ACBD7: variants seen among roughly 807,000 people sequenced by gnomAD.
The protein encoded by ACBD7 is acyl-CoA-binding domain-containing protein 7.
ACBD7 carries 11 observed loss-of-function variants against 13.7 expected under a neutral mutation model. The observed-to-expected ratio is 0.80, with a 90% CI of 0.50 to 1.33. The LOEUF (loss-of-function observed/expected upper bound fraction) is 1.33. Ranked by LOEUF, ACBD7 falls within the 40% of genes most tolerant of loss-of-function variation. The pLI is 0.00. For missense variants in ACBD7, 111 were observed against 103.0 expected (o/e 1.08, Z -0.33); for synonymous variants, 43 against 37.7 (o/e 1.14, Z -0.51).
Position 15,076,202 on chromosome 10 carries a change from G to A in ACBD7, c.*2328C>T, listed in dbSNP as rs1203886635. ...AGGGAATAGAGGTACACTGTTTTGG[G>A]GGATATTTATCTTAAGGGATCTCAA... is the stretch of plus-strand genomic sequence containing the variant. On this transcript the variant is annotated 3_prime_UTR_variant, in exon 4 of 4. Transcript: ENST00000356189. 1.0e-6 allele frequency: 1 copy of A among 985,100 alleles called. No homozygotes were observed. The highest frequency in any genetic ancestry group is 1.2e-6 in the Non-Finnish European group (1 of 829,870). 61.0% of individuals were successfully genotyped at this position (985,100 alleles called of 1,614,324 possible). A position where few individuals can be genotyped will look rare whatever the true frequency, so the allele number is the denominator to read the frequency against.
At chr10:15,083,919 A>G (rs1016531616) in intron 1 of ACBD7, among the ~76,000 whole-genome samples, 8 of 152,268 alleles carry the variant, frequency 5.3e-5, no homozygotes, top group African/African-American at 1.9e-4. Flanking sequence ...ATGGGCATGC[A>G]CAAGGCAGCG....
At chr10:15,086,246 G>C (rs1282601608) in intron 1 of ACBD7, among the ~76,000 whole-genome samples, 1 of 151,894 alleles carries the variant, frequency 6.6e-6, no homozygotes, top group African/African-American at 2.4e-5. Flanking sequence ...GGTGGAGGTT[G>C]CAGTGAGTCA....
chr10:15,083,769 C>T (rs751959628), intron 1 of ACBD7, among the ~76,000 whole-genome samples: 3 of 152,230 alleles, frequency 2.0e-5, no homozygotes, highest in Non-Finnish European at 4.4e-5. Flanking sequence ...AGGCGTGAGC[C>T]ACGATGCCCG....
intron 1 of ACBD7, among the ~76,000 whole-genome samples, chr10:15,083,141 C>T (rs536545393): frequency 8.2e-4 from 125 of 152,350 alleles, no homozygotes; most frequent in African/African-American, 2.8e-3. Context: ...TTTCAGGGGT[C>T]CCCGCTCTTT....
intron 1 of ACBD7, among the ~76,000 whole-genome samples, chr10:15,085,944 C>T (rs1417263115): frequency 7.9e-5 from 12 of 152,280 alleles, no homozygotes; most frequent in Middle Eastern, 3.4e-3. Flanking sequence ...ATGATCCCCG[C>T]ACATGCCAGT....
chr10:15,084,019 T>G lies in ACBD7; in HGVS notation c.12+4698A>C, dbSNP rs182501128. Among the ~76,000 whole-genome samples the G allele has an allele frequency of 1.6e-4, 24 of 152,266 alleles. No homozygotes were observed. In the East Asian group the frequency reaches 4.6e-3, roughly 29 times the overall value. The stretch of plus-strand genomic sequence containing the variant: ...TGCAAATAAGGTGCAGCAGTTGCTC[T>G]GGGAACACAGGAGGTAGCACAGACG... On this transcript the variant is annotated intron_variant, in intron 1 of 3. Transcript: ENST00000356189.
At chr10:15,083,546 A>G (rs1303997743) in intron 1 of ACBD7, among the ~76,000 whole-genome samples, 1 of 152,204 alleles carries the variant, frequency 6.6e-6, no homozygotes, top group African/African-American at 2.4e-5. Flanking sequence ...CAGCGGCACA[A>G]TCACGGCTCA....
At chr10:15,086,827 A>T (rs2131399552) in intron 1 of ACBD7, among the ~76,000 whole-genome samples, 1 of 152,280 alleles carries the variant, frequency 6.6e-6, no homozygotes, top group Non-Finnish European at 1.5e-5. Flanking sequence ...CACCCTGACC[A>T]ACATGGAGAA....
chr10:15,081,998 T>G (rs944413361), intron 1 of ACBD7, among the ~76,000 whole-genome samples: 2 of 152,116 alleles, frequency 1.3e-5, no homozygotes, highest in African/African-American at 4.8e-5. Flanking sequence ...TTAAGAGCTG[T>G]GTGACCAGGC....
chr10:15,084,095 C>G (rs1844781098), intron 1 of ACBD7, among the ~76,000 whole-genome samples: 1 of 152,228 alleles, frequency 6.6e-6, no homozygotes, highest in African/African-American at 2.4e-5. Flanking sequence ...GGGATCGGGT[C>G]TGCGATTGTT....
chr10:15,088,368 A>T, intron 1 of ACBD7: 1 of 434,694 alleles, frequency 2.3e-6, no homozygotes, highest in African/African-American at 2.1e-5. Flanking sequence ...TGACACTAAG[A>T]GAGGTCCTGG....
At chr10:15,079,630 G>A (rs1351381440) in intron 1 of ACBD7, among the ~76,000 whole-genome samples, 1 of 151,566 alleles carries the variant, frequency 6.6e-6, no homozygotes. Flanking sequence ...CCAGGCTGAA[G>A]TGCAGTGGCA....
chr10:15,087,010 T>C (rs1441114870), intron 1 of ACBD7, among the ~76,000 whole-genome samples: 6 of 117,188 alleles, frequency 5.1e-5, no homozygotes, highest in African/African-American at 2.3e-4. Flanking sequence ...TGAAACTCCA[T>C]CTCAAAAAAA....
chr10:15,082,870 CTACTAAAAA>C (rs1844765550), intron 1 of ACBD7, among the ~76,000 whole-genome samples: 1 of 151,940 alleles, frequency 6.6e-6, no homozygotes, highest in African/African-American at 2.4e-5. Context: ...AACACCGTCT[CTACTAAAAA>C]TACAAAAAAT....
In ACBD7 at chr10:15,076,222, T is replaced by C. The variant is rs77326186; in HGVS notation, c.*2308A>G. ...TTTGGGGGATATTTATCTTAAGGGA[T>C]CTCAAACAATTTTTTGAATTGTTAA... is the stretch of plus-strand genomic sequence containing the variant. On this transcript the variant is annotated 3_prime_UTR_variant, in exon 4 of 4. Coordinates refer to ENST00000356189, the MANE Select transcript of ACBD7 (RefSeq NM_001039844.3). 0.063 allele frequency: 61,822 copies of C among 985,202 alleles called. 2,067 individuals carry two copies. The highest frequency in any genetic ancestry group is 0.09 in the Middle Eastern group (172 of 1,914). 61.0% of individuals were successfully genotyped at this position (985,202 alleles called of 1,614,324 possible).
rs1844682030 is a variant in ACBD7 at position 15,076,374 on chromosome 10, A to G, written c.*2156T>C. 1.0e-5 allele frequency: 10 copies of G among 985,298 alleles called. No homozygotes were observed. The highest frequency in any genetic ancestry group is 1.1e-5 in the Non-Finnish European group (9 of 829,838). 61.0% of individuals were successfully genotyped at this position (985,298 alleles called of 1,614,324 possible). ...AACATATGGGGTACAGTAGTGGTAC[A>G]GTTTATCACTAGATACATTTTAGTT... is the stretch of plus-strand genomic sequence containing the variant. On this transcript the variant is annotated 3_prime_UTR_variant, in exon 4 of 4. Transcript: ENST00000356189.
At chr10:15,084,521 A>C (rs969577853) in intron 1 of ACBD7, among the ~76,000 whole-genome samples, 1 of 152,222 alleles carries the variant, frequency 6.6e-6, no homozygotes, top group Non-Finnish European at 1.5e-5. Flanking sequence ...GCCGAGATTT[A>C]CTGAAAGCGA....
intron 1 of ACBD7, among the ~76,000 whole-genome samples, chr10:15,087,407 G>A (rs892967958): frequency 1.3e-5 from 2 of 152,182 alleles, no homozygotes; most frequent in Admixed American, 1.3e-4. Flanking sequence ...ACAACTTTAC[G>A]CAGGATAACG....
At chr10:15,079,648 G>C (rs371190795) in intron 1 of ACBD7, among the ~76,000 whole-genome samples, 5 of 151,026 alleles carry the variant, frequency 3.3e-5, no homozygotes, top group Non-Finnish European at 7.4e-5. Flanking sequence ...GCAAGATCTC[G>C]GATCACTGCA....
Sources: gnomAD v4.1 joint callset for allele counts (sites outside exome capture counted in the v4.1 genomes callset) on GRCh38, gnomAD v4.1.1 for gene constraint, MANE v1.5 for transcripts, NCBI Gene and HGNC (gene_info 2026-07-23, HGNC 2026-07-21) for gene names.